Variants in LYPLAL1 observed in about 807,000 individuals in gnomAD.
The protein encoded by LYPLAL1 is lysophospholipase-like protein 1.
In LYPLAL1, 23 loss-of-function variants were observed where a neutral mutation model predicts 19.7. That is an observed-to-expected ratio of 1.17 (90% CI 0.84 to 1.65). The LOEUF is 1.65. Among genes scored for constraint, LYPLAL1 ranks in the 40% most tolerant of loss-of-function variants. The probability of loss-of-function intolerance (pLI) is 0.00; values close to 1 mark genes in which losing one functional copy is unlikely to be tolerated. For missense variants in LYPLAL1, 355 were observed against 279.4 expected (o/e 1.27, Z -1.93); for synonymous variants, 119 against 96.3 (o/e 1.24, Z -1.38).
At chr1:219,316,541 A>G in the LYPLAL1 span, among the ~76,000 whole-genome samples, 7 of 152,298 alleles carry the variant, frequency 4.6e-5, 2 homozygotes, top group South Asian at 1.4e-3. Context: ...AGTGACTGAT[A>G]GAATTCACTA....
At chr1:219,196,527 C>G (rs1657615307) in intron 3 of LYPLAL1, among the ~76,000 whole-genome samples, 1 of 152,004 alleles carries the variant, frequency 6.6e-6, no homozygotes, top group Non-Finnish European at 1.5e-5. Context: ...ATGACAAACC[C>G]ACAGCCAGTA....
chr1:219,191,865 T>C (rs1355498667), intron 2 of LYPLAL1, among the ~76,000 whole-genome samples: 1 of 151,654 alleles, frequency 6.6e-6, no homozygotes. Flanking sequence ...TGTTACAAAG[T>C]AATGTTTATA....
At chr1:219,303,696 C>T in the LYPLAL1 span, among the ~76,000 whole-genome samples, 63 of 152,236 alleles carry the variant, frequency 4.1e-4, no homozygotes, top group Middle Eastern at 3.4e-3. Context: ...TTCATAATTC[C>T]GCTGAAAACC....
the LYPLAL1 span, among the ~76,000 whole-genome samples, chr1:219,324,203 G>A: frequency 0.89 from 136,205 of 152,270 alleles, 60,930 homozygotes; most frequent in East Asian, 0.97. Flanking sequence ...GCCAGTTTCT[G>A]ATTCTTAATT....
chr1:219,333,578 C>T, the LYPLAL1 span, among the ~76,000 whole-genome samples: 2 of 151,878 alleles, frequency 1.3e-5, no homozygotes, highest in South Asian at 2.1e-4. Context: ...TCTCTATTAA[C>T]CCAAGAGAAA....
At chr1:219,229,351 C>T in the LYPLAL1 span, among the ~76,000 whole-genome samples, 50,704 of 146,920 alleles carry the variant, frequency 0.35, 9,272 homozygotes, top group Non-Finnish European at 0.39. Flanking sequence ...CGCAGGCTAC[C>T]GAACAGCAGA....
the LYPLAL1 span, among the ~76,000 whole-genome samples, chr1:219,334,026 G>A: frequency 1.3e-5 from 2 of 152,036 alleles, no homozygotes; most frequent in African/African-American, 2.4e-5. Flanking sequence ...AATGTAAAAT[G>A]TCTATTATTT....
the LYPLAL1 span, among the ~76,000 whole-genome samples, chr1:219,232,596 A>G: frequency 6.6e-6 from 1 of 152,214 alleles, no homozygotes; most frequent in East Asian, 1.9e-4. Context: ...AGTGAAATGC[A>G]CCTATGAAAT....
downstream of LYPLAL1, among the ~76,000 whole-genome samples, chr1:219,215,582 TTCTCTC>T (rs912329343): frequency 4.6e-5 from 7 of 152,148 alleles, no homozygotes; most frequent in African/African-American, 1.7e-4. Flanking sequence ...ATCTCAGGAC[TTCTCTC>T]TCTGTGCAGT....
chr1:219,274,853 T>A, the LYPLAL1 span, among the ~76,000 whole-genome samples: 11 of 152,322 alleles, frequency 7.2e-5, no homozygotes, highest in African/African-American at 2.6e-4. Context: ...AAAGTTTACA[T>A]GCCCTCCTCT....
the LYPLAL1 span, among the ~76,000 whole-genome samples, chr1:219,355,619 A>G: frequency 6.6e-6 from 1 of 152,196 alleles, no homozygotes; most frequent in Non-Finnish European, 1.5e-5. Flanking sequence ...ATAACAAAAG[A>G]ATCAATCAAG....
chr1:219,236,728 A>G, the LYPLAL1 span, among the ~76,000 whole-genome samples: 2 of 152,204 alleles, frequency 1.3e-5, no homozygotes, highest in Non-Finnish European at 2.9e-5. Flanking sequence ...ACAGTGAAAT[A>G]CCAGTTGCCT....
At chr1:219,424,612 C>T in the LYPLAL1 span, among the ~76,000 whole-genome samples, 2 of 152,150 alleles carry the variant, frequency 1.3e-5, no homozygotes, top group Non-Finnish European at 2.9e-5. Context: ...AACACATGTC[C>T]TGATGACATC....
At chr1:219,181,108 A>G (rs553044193) in intron 2 of LYPLAL1, among the ~76,000 whole-genome samples, 30 of 152,300 alleles carry the variant, frequency 2.0e-4, no homozygotes, top group Middle Eastern at 6.8e-3. Flanking sequence ...AATATATTTT[A>G]TTTAACCCAG....
the LYPLAL1 span, among the ~76,000 whole-genome samples, chr1:219,250,284 A>G: frequency 6.6e-6 from 1 of 151,792 alleles, no homozygotes; most frequent in South Asian, 2.1e-4. Flanking sequence ...CCCTTTCCCT[A>G]CCACACTGCC....
the LYPLAL1 span, among the ~76,000 whole-genome samples, chr1:219,314,643 A>G: frequency 6.6e-6 from 1 of 152,182 alleles, no homozygotes; most frequent in East Asian, 1.9e-4. Flanking sequence ...ACGGGGTTTC[A>G]CCGTGGTCTC....
chr1:219,289,868 A>T, the LYPLAL1 span, among the ~76,000 whole-genome samples: 1 of 152,238 alleles, frequency 6.6e-6, no homozygotes, highest in East Asian at 1.9e-4. Flanking sequence ...TCTCTCTGAT[A>T]TTAATGCCCC....
the LYPLAL1 span, among the ~76,000 whole-genome samples, chr1:219,238,430 C>T: frequency 6.7e-6 from 1 of 149,596 alleles, no homozygotes; most frequent in Non-Finnish European, 1.5e-5. Flanking sequence ...GGATTACAGG[C>T]GTGAGCCACT....
chr1:219,194,567 A>AT (rs1657454978), intron 3 of LYPLAL1, among the ~76,000 whole-genome samples: 1 of 152,038 alleles, frequency 6.6e-6, no homozygotes, highest in Non-Finnish European at 1.5e-5. Flanking sequence ...CCAGGCTGTG[A>AT]TGAGTGCTCT....
Sources: allele counts gnomAD v4.1 joint callset (sites outside exome capture counted in the v4.1 genomes callset), GRCh38; gene constraint gnomAD v4.1.1; transcripts MANE v1.5; gene names NCBI Gene and HGNC (gene_info 2026-07-23, HGNC 2026-07-21).